Variants in NDUFA10 observed in about 807,000 individuals in gnomAD.
NDUFA10 encodes the protein NADH:ubiquinone oxidoreductase subunit A10, also known as NADH dehydrogenase [ubiquinone] 1 alpha subcomplex subunit 10, mitochondrial.
NDUFA10 carries 40 observed loss-of-function variants against 47.8 expected under a neutral mutation model. The ratio of observed to expected loss-of-function variants is 0.84; its 90% confidence interval spans 0.65 to 1.09. The LOEUF (loss-of-function observed/expected upper bound fraction) is 1.09, where lower values mean the gene tolerates loss of function less well. Ranked by LOEUF, NDUFA10 falls within the 50% of genes least tolerant of loss-of-function variation. The pLI, the probability that NDUFA10 is intolerant of heterozygous loss-of-function variation, is 0.00. For synonymous variants in NDUFA10, 183 were observed against 172.2 expected, an observed-to-expected ratio of 1.06 and a Z score of -0.49; for missense variants, 413 against 451.1, an observed-to-expected ratio of 0.92 and a Z score of 0.76.
chr2:239,949,133 A>G (rs1324067563), intron 4 of NDUFA10, among the ~76,000 whole-genome samples: 1 of 152,222 alleles, frequency 6.6e-6, no homozygotes, highest in Non-Finnish European at 1.5e-5. Flanking sequence ...TAGTGTCGGG[A>G]TTTTAAGGTA....
chr2:239,944,918 TG>T (rs763175370), intron 4 of NDUFA10, among the ~76,000 whole-genome samples: 1 of 152,166 alleles, frequency 6.6e-6, no homozygotes, highest in East Asian at 1.9e-4. Flanking sequence ...CCACCCTAGG[TG>T]GGGGGCACAC....
intron 4 of NDUFA10, among the ~76,000 whole-genome samples, chr2:239,938,154 G>C (rs542534855): frequency 1.3e-5 from 2 of 152,132 alleles, no homozygotes; most frequent in African/African-American, 4.8e-5. Context: ...TTCTCTTCTC[G>C]GACAGCTCCC....
intron 4 of NDUFA10, among the ~76,000 whole-genome samples, chr2:239,921,821 G>A (rs567596682): frequency 5.3e-5 from 8 of 152,250 alleles, no homozygotes; most frequent in African/African-American, 1.7e-4. Flanking sequence ...CTGGGGGCAG[G>A]GTGGGGACGG....
At chr2:239,935,445 C>A (rs1010745555) in intron 4 of NDUFA10, among the ~76,000 whole-genome samples, 1 of 152,316 alleles carries the variant, frequency 6.6e-6, no homozygotes. Flanking sequence ...AGAGATCGGG[C>A]CTCGGGGAGC....
chr2:239,959,392 A>G lies in NDUFA10; in HGVS notation c.*1726T>C, dbSNP rs1430654965. The G allele has an allele frequency of 1.0e-6, 1 of 985,502 alleles. No individual in the cohort carries two copies. The highest frequency in any genetic ancestry group is 1.2e-6 in the Non-Finnish European group (1 of 829,952). The allele number at this position is 985,502 out of a possible 1,614,324, so 61.0% of individuals were successfully genotyped here. On this transcript the variant is annotated 3_prime_UTR_variant, in exon 10 of 10. Transcript: ENST00000252711. ...GCTCTTTGCAGCCAAAGACATTAGG[A>G]ACAGCTAAGATAATTAAAGATGGCT...
Position 239,957,668 on chromosome 2 carries a change from C to T in NDUFA10, c.*3450G>A, listed in dbSNP as rs7573892. 89,849 of 152,122 alleles carry T rather than the reference C, an allele frequency of 0.59. 26,672 individuals carry two copies. Among genetic ancestry groups the T allele is most frequent in the East Asian group, 0.67 (3,438 of 5,164 alleles). 9.4% of individuals were successfully genotyped at this position (152,122 alleles called of 1,614,324 possible). A position where few individuals can be genotyped will look rare whatever the true frequency, so the allele number is the denominator to read the frequency against. On this transcript the variant is annotated 3_prime_UTR_variant, in exon 10 of 10. Coordinates refer to ENST00000252711, the MANE Select transcript of NDUFA10 (RefSeq NM_004544.4). ...CTTAAATCAGCCTCCTTCAAGCAAG[C>T]GCAGCCAGCGTGAGCCAGGGGACAG...
chr2:239,942,005 G>C (rs1694367864), intron 4 of NDUFA10, among the ~76,000 whole-genome samples: 1 of 152,182 alleles, frequency 6.6e-6, no homozygotes, highest in African/African-American at 2.4e-5. Context: ...AAAATCCTCT[G>C]AAATGAGAAA....
intron 4 of NDUFA10, among the ~76,000 whole-genome samples, chr2:239,952,128 C>T (rs970764336): frequency 1.3e-5 from 2 of 152,118 alleles, no homozygotes; most frequent in African/African-American, 4.8e-5. Flanking sequence ...CACACCTGCT[C>T]GCAGAGGGCA....
chr2:240,022,027 A>G, intron 2 of NDUFA10, 145 bp downstream of exon 2: 1 of 643,854 alleles, frequency 1.6e-6, no homozygotes, highest in Non-Finnish European at 2.2e-6. Context: ...CAGCTTTTTC[A>G]ATAAACAAAA....
chr2:239,978,090 G>A lies in NDUFA10; in HGVS notation c.999+11984C>T, dbSNP rs1695601010. Among the ~76,000 whole-genome samples, 3 of 151,962 alleles carry A rather than the reference G, an allele frequency of 2.0e-5. 1 individual carries two copies. The highest frequency in any genetic ancestry group is 7.3e-5 in the African/African-American group (3 of 41,376). On this transcript the variant is annotated intron_variant, in intron 9 of 9. Transcript: ENST00000252711. ...TCCCTGCCTCTGGGATCCCTGCTTG[G>A]TGAACTGGGATCTCTGAGGAGCCAA...
intron 4 of NDUFA10, among the ~76,000 whole-genome samples, chr2:239,937,908 C>T (rs1344575711): frequency 6.6e-6 from 1 of 152,226 alleles, no homozygotes; most frequent in Admixed American, 6.5e-5. Flanking sequence ...CACCTCACAG[C>T]TGATCATGAC....
chr2:239,910,671 C>G (rs551099672), intron 4 of NDUFA10, among the ~76,000 whole-genome samples: 1 of 152,138 alleles, frequency 6.6e-6, no homozygotes, highest in Admixed American at 6.6e-5. Flanking sequence ...ACACGTTTAC[C>G]TGTGCAACAA....
At chr2:239,955,411 G>C (rs533402290), downstream of NDUFA10, among the ~76,000 whole-genome samples, 2 of 152,314 alleles carry the variant, frequency 1.3e-5, no homozygotes, top group East Asian at 3.9e-4. Flanking sequence ...GTCAGCGCTG[G>C]ATTCTGTGTT....
intron 4 of NDUFA10, among the ~76,000 whole-genome samples, chr2:239,938,154 G>T (rs542534855): frequency 6.6e-6 from 1 of 152,132 alleles, no homozygotes; most frequent in Non-Finnish European, 1.5e-5. Context: ...TTCTCTTCTC[G>T]GACAGCTCCC....
chr2:239,911,523 C>T (rs1387567492), intron 4 of NDUFA10, among the ~76,000 whole-genome samples: 1 of 152,192 alleles, frequency 6.6e-6, no homozygotes, highest in African/African-American at 2.4e-5. Context: ...AGGGCCACAC[C>T]CTGAGCCTTC....
At chr2:239,936,135 G>A (rs1694262805) in intron 4 of NDUFA10, among the ~76,000 whole-genome samples, 1 of 152,224 alleles carries the variant, frequency 6.6e-6, no homozygotes, top group African/African-American at 2.4e-5. Context: ...GCACTCATGA[G>A]GGTGCAGGAA....
chr2:239,971,329 T>G (rs1203338874), intron 9 of NDUFA10, among the ~76,000 whole-genome samples: 1 of 152,236 alleles, frequency 6.6e-6, no homozygotes, highest in Admixed American at 6.5e-5. Context: ...GCAGCTGACT[T>G]GCTATTCCTG....
At position 239,981,987 on chromosome 2, in the gene NDUFA10, T is replaced by C. The variant is rs1363969687; in HGVS notation, c.999+8087A>G. On this transcript the variant is annotated intron_variant, in intron 9 of 9. Coordinates refer to ENST00000252711, the MANE Select transcript of NDUFA10 (RefSeq NM_004544.4). ...AACCACTGCCATGAAAAGGCATCCA[T>C]GGCCTCCACTTGCTCCAGGAAATAA... 5.6e-6 allele frequency: 7 copies of C among 1,248,114 alleles called. No individual in the cohort carries two copies. In the East Asian group the frequency reaches 1.5e-4, roughly 27 times the overall value. The allele number at this position is 1,248,114 out of a possible 1,614,324, so 77.3% of individuals were successfully genotyped here.
chr2:239,991,272 G>C (rs1696235277), intron 8 of NDUFA10, among the ~76,000 whole-genome samples: 1 of 152,198 alleles, frequency 6.6e-6, no homozygotes, highest in African/African-American at 2.4e-5. Flanking sequence ...AGCGTCAGGA[G>C]CGTCCTAGTA....
Sources: gnomAD v4.1 joint callset for allele counts (sites outside exome capture counted in the v4.1 genomes callset) on GRCh38, gnomAD v4.1.1 for gene constraint, MANE v1.5 for transcripts, NCBI Gene and HGNC (gene_info 2026-07-23, HGNC 2026-07-21) for gene names.